CAMTA1: variants seen among roughly 807,000 people sequenced by gnomAD.
CAMTA1 encodes calmodulin binding transcription activator 1.
In CAMTA1, 27 loss-of-function variants were observed where a neutral mutation model predicts 170.9. The ratio of observed to expected loss-of-function variants is 0.16; its 90% CI spans 0.12 to 0.22. CAMTA1 has a LOEUF of 0.22. Among genes scored for constraint, CAMTA1 ranks in the 10% least tolerant of loss-of-function variants. The pLI is 1.00. For synonymous variants in CAMTA1, 833 were observed against 891.5 expected (o/e 0.93, Z 1.17); for missense variants, 1,619 against 2,217.2 (o/e 0.73, Z 5.42).
In CAMTA1 at chr1:7,363,481, C is replaced by T. The variant is rs148933762; in HGVS notation, c.439-104349C>T. On this transcript the variant is annotated intron_variant, in intron 5 of 22. Transcript: ENST00000303635. ...CTTTTGTAGAACATCATCTGTCAGCCGAACTTCACTTAATCCTTCCTCTTA... is the reference window on the plus strand; with the variant it reads ...CTTTTGTAGAACATCATCTGTCAGCTGAACTTCACTTAATCCTTCCTCTTA... Among the ~76,000 whole-genome samples the T allele has an allele frequency of 6.6e-5, 10 of 152,060 alleles. No individual in the cohort carries two copies. In the East Asian group the frequency reaches 1.4e-3, roughly 21 times the overall value.
intron 7 of CAMTA1, among the ~76,000 whole-genome samples, chr1:7,654,502 A>G (rs1211296738): frequency 2.0e-5 from 3 of 151,172 alleles, no homozygotes; most frequent in South Asian, 2.1e-4. Flanking sequence ...ACACACACCT[A>G]TACACACATA....
intron 4 of CAMTA1, among the ~76,000 whole-genome samples, chr1:7,194,316 C>T (rs904599949): frequency 3.9e-5 from 6 of 152,112 alleles, no homozygotes; most frequent in Non-Finnish European, 5.9e-5. Context: ...TTTAATACTT[C>T]CTGGTATTCT....
At chr1:7,309,698 G>C (rs4908618) in intron 5 of CAMTA1, among the ~76,000 whole-genome samples, 100,840 of 151,786 alleles carry the variant, frequency 0.66, 34,904 homozygotes, top group East Asian at 0.92. Flanking sequence ...TACATATTGT[G>C]TTTTTTTACT....
rs61486729 is a variant in CAMTA1 at position 7,713,001 on chromosome 1, A to G, written c.2915-19447A>G. ...TCCGACTGGGTCCTGTCCACGACAC[A>G]TGGGGATTATGGGAGCTACCATTCA... is the stretch of plus-strand genomic sequence containing the variant. On this transcript the variant is annotated intron_variant, in intron 11 of 22. Coordinates refer to ENST00000303635, the MANE Select transcript of CAMTA1 (RefSeq NM_015215.4). Among the ~76,000 whole-genome samples the G allele has an allele frequency of 6.4e-3, 976 of 152,306 alleles. 8 individuals are homozygous for G. Among genetic ancestry groups the G allele is most frequent in the African/African-American group, 0.022 (929 of 41,560 alleles).
At chr1:7,650,784 C>T (rs2095844064) in intron 7 of CAMTA1, among the ~76,000 whole-genome samples, 2 of 152,148 alleles carry the variant, frequency 1.3e-5, no homozygotes, top group Admixed American at 6.5e-5. Flanking sequence ...GTGGTGAGAT[C>T]GGGAAATTGA....
At chr1:7,329,850 G>A (rs763701027) in intron 5 of CAMTA1, among the ~76,000 whole-genome samples, 1 of 152,152 alleles carries the variant, frequency 6.6e-6, no homozygotes, top group Non-Finnish European at 1.5e-5. Context: ...AACACAAAGA[G>A]GGTTTTTCCT....
intron 6 of CAMTA1, among the ~76,000 whole-genome samples, chr1:7,594,455 T>C (rs1056105828): frequency 6.6e-6 from 1 of 152,204 alleles, no homozygotes; most frequent in Non-Finnish European, 1.5e-5. Flanking sequence ...GTGGGTTTTA[T>C]TCAAATCGCA....
intron 5 of CAMTA1, among the ~76,000 whole-genome samples, chr1:7,444,056 CAG>C (rs1052801639): frequency 2.0e-5 from 3 of 152,206 alleles, no homozygotes; most frequent in African/African-American, 7.2e-5. Context: ...AGGGAAAAGT[CAG>C]ATTCCCTCGC....
Position 7,253,393 on chromosome 1 carries a change from A to G in CAMTA1, c.438+3767A>G, listed in dbSNP as rs949860759. The stretch of plus-strand genomic sequence containing the variant: ...TCATGATACTTTTCTCTGGCCCCAG[A>G]AGCTTGTGGGGCTGCCTTAGGTCCT... On this transcript the variant is annotated intron_variant, in intron 5 of 22. Transcript: ENST00000303635. Among the ~76,000 whole-genome samples, 25 of 152,146 alleles carry G rather than the reference A, an allele frequency of 1.6e-4. 1 individual carries two copies. Among genetic ancestry groups the G allele is most frequent in the Non-Finnish European group, 2.9e-5 (2 of 68,038 alleles).
chr1:7,326,881 G>C (rs890652428), intron 5 of CAMTA1, among the ~76,000 whole-genome samples: 22 of 152,268 alleles, frequency 1.4e-4, no homozygotes, highest in African/African-American at 4.3e-4. Flanking sequence ...CAGGGACATA[G>C]GAGGTCCAGG....
chr1:7,308,186 G>T (rs1675884567), intron 5 of CAMTA1, among the ~76,000 whole-genome samples: 1 of 151,716 alleles, frequency 6.6e-6, no homozygotes, highest in African/African-American at 2.4e-5. Flanking sequence ...TTTTATGTCT[G>T]TGGAGTCTAA....
chr1:6,905,790 C>T (rs1468036625), intron 3 of CAMTA1, among the ~76,000 whole-genome samples: 2 of 152,196 alleles, frequency 1.3e-5, no homozygotes, highest in African/African-American at 4.8e-5. Context: ...GTGCCTGCAT[C>T]TCTTATTGCG....
intron 3 of CAMTA1, among the ~76,000 whole-genome samples, chr1:6,939,169 G>A (rs561082024): frequency 6.6e-6 from 1 of 152,204 alleles, no homozygotes; most frequent in African/African-American, 2.4e-5. Context: ...AGGAGCAGGC[G>A]TGGAGCGTCA....
intron 3 of CAMTA1, among the ~76,000 whole-genome samples, chr1:6,840,032 C>T (rs1195352928): frequency 6.6e-6 from 1 of 152,128 alleles, no homozygotes; most frequent in Non-Finnish European, 1.5e-5. Context: ...GAAACCCCAT[C>T]TCTACTAAAA....
chr1:7,335,124 T>TTGTGTGTGTGTATGTGTGTG (rs2083273602), intron 5 of CAMTA1, among the ~76,000 whole-genome samples: 4 of 19,178 alleles, frequency 2.1e-4, no homozygotes, highest in African/African-American at 5.9e-4. Context: ...AGCACAGCTT[T>TTGTGTGTGTGTATGTGTGTG]TGTGTGTGTG....
At chr1:7,425,316 G>T (rs777352303) in intron 5 of CAMTA1, among the ~76,000 whole-genome samples, 1 of 152,120 alleles carries the variant, frequency 6.6e-6, no homozygotes, top group Non-Finnish European at 1.5e-5. Context: ...AGGAGAGGCC[G>T]CACAGTTCCC....
chr1:7,143,303 A>G (rs1047904039), intron 4 of CAMTA1, among the ~76,000 whole-genome samples: 7 of 152,154 alleles, frequency 4.6e-5, no homozygotes, highest in Non-Finnish European at 8.8e-5. Flanking sequence ...TTCTCATCAG[A>G]TATTATGTAT....
Position 7,067,488 on chromosome 1 carries a change from C to G in CAMTA1, c.235-23816C>G, listed in dbSNP as rs1709112086. Among the ~76,000 whole-genome samples the G allele has an allele frequency of 6.6e-6, 1 of 152,196 alleles. No individual in the cohort carries two copies. Among genetic ancestry groups the G allele is most frequent in the Non-Finnish European group, 1.5e-5 (1 of 68,034 alleles). ...TGAATGATCTTGACTCTGTTCCCAA[C>G]CAGCCTCTTGGTTTAATTCCAGGAT... On this transcript the variant is annotated intron_variant, in intron 3 of 22. Transcript: ENST00000303635. This position sits in a 1 kb window ranked among gnomAD's most constrained non-coding sequence, Gnocchi z 4.3.
At chr1:7,321,664 G>A (rs575651205) in intron 5 of CAMTA1, among the ~76,000 whole-genome samples, 7 of 152,112 alleles carry the variant, frequency 4.6e-5, no homozygotes, top group Non-Finnish European at 1.0e-4. Flanking sequence ...TATTTTAGGA[G>A]CCATCCCAGT....
Sources: gnomAD v4.1 joint callset for allele counts (sites outside exome capture counted in the v4.1 genomes callset) on GRCh38, gnomAD v4.1.1 for gene constraint, Gnocchi (gnomAD v3.1) non-coding constraint, MANE v1.5 for transcripts, NCBI Gene and HGNC (gene_info 2026-07-23, HGNC 2026-07-21) for gene names.